The following MARCHF4 variants were observed in gnomAD, a reference collection of about 807,000 sequenced individuals.
MARCHF4 encodes the protein E3 ubiquitin-protein ligase MARCHF4.
A neutral mutation model predicts 43.9 loss-of-function variants in MARCHF4; 14 were observed. The observed-to-expected ratio is 0.32, with a 90% CI of 0.21 to 0.50. MARCHF4 has a LOEUF of 0.50. Among genes scored for constraint, MARCHF4 ranks in the 20% least tolerant of loss-of-function variants. The pLI is 0.98. For missense variants in MARCHF4, 468 were observed against 536.7 expected (o/e 0.87, Z 1.27); for synonymous variants, 226 against 213.3 (o/e 1.06, Z -0.52).
chr2:216,311,588 G>C (rs1691687785), intron 1 of MARCHF4, among the ~76,000 whole-genome samples: 1 of 152,038 alleles, frequency 6.6e-6, no homozygotes, highest in South Asian at 2.1e-4. Flanking sequence ...TAAACACTTA[G>C]GTTTCCTCAC....
chr2:216,304,434 TA>T (rs2105951761), intron 1 of MARCHF4, among the ~76,000 whole-genome samples: 1 of 152,284 alleles, frequency 6.6e-6, no homozygotes, highest in African/African-American at 2.4e-5. Context: ...AACTGACACC[TA>T]GATCCCTCAA....
chr2:216,283,666 T>C lies in MARCHF4; in HGVS notation c.580A>G (p.Ile194Val). The change falls in exon 2 of 4, where the codon ATC (isoleucine) becomes GTC (valine). Residue 194 changes from isoleucine to valine, a missense_variant. Transcript: ENST00000273067. The stretch of plus-strand genomic sequence containing the variant: ...CAGCCCCGCTCGCTGATCCACTTGA[T>C]GAGGCAAGGCTGGTGTGTGCACTTG... ...SVKCTHQPCL[I>V]KWISERGCWS... 6.2e-7 allele frequency: 1 copy of C among 1,613,718 alleles called. No homozygotes were observed. The highest frequency in any genetic ancestry group is 8.5e-7 in the Non-Finnish European group (1 of 1,179,608).
Position 216,372,076 on chromosome 2 carries a change from C to T in MARCHF4, c.-1816G>A, listed in dbSNP as rs2105990606. The T allele has an allele frequency of 6.6e-6, 1 of 152,364 alleles. No individual in the cohort carries two copies. The highest frequency in any genetic ancestry group is 1.9e-4 in the East Asian group (1 of 5,168). The allele number at this position is 152,364 out of a possible 1,614,324, so 9.4% of individuals were successfully genotyped here. ...CTTGGTCCTCGCGACTCCCCAAAAC[C>T]GTATATAAATATATCTCTTATAAAA... On this transcript the variant is annotated 5_prime_UTR_variant, in exon 1 of 4. Transcript: ENST00000273067.
At chr2:216,325,438 C>A (rs1008519351) in intron 1 of MARCHF4, among the ~76,000 whole-genome samples, 3 of 152,168 alleles carry the variant, frequency 2.0e-5, no homozygotes, top group Non-Finnish European at 4.4e-5. Context: ...CTACCAATGA[C>A]TTTCTTCACA....
At chr2:216,351,093 A>G (rs959270114) in intron 1 of MARCHF4, among the ~76,000 whole-genome samples, 5 of 152,134 alleles carry the variant, frequency 3.3e-5, no homozygotes, top group Non-Finnish European at 7.3e-5. Context: ...GAAGGACCCT[A>G]TTATATTTCT....
At chr2:216,322,019 G>A (rs115465851) in intron 1 of MARCHF4, among the ~76,000 whole-genome samples, 1,542 of 152,214 alleles carry the variant, frequency 0.01, 13 homozygotes, top group South Asian at 0.023. Flanking sequence ...TTTACAAGTT[G>A]CTGTGACTGA....
intron 1 of MARCHF4, among the ~76,000 whole-genome samples, chr2:216,298,662 A>C (rs978133782): frequency 6.6e-6 from 1 of 152,190 alleles, no homozygotes; most frequent in Non-Finnish European, 1.5e-5. Context: ...TCCCATCTTA[A>C]AATATCTTAA....
intron 1 of MARCHF4, 83 bp downstream of exon 1, chr2:216,369,662 G>T (rs766961898): frequency 9.6e-6 from 11 of 1,140,440 alleles, no homozygotes; most frequent in African/African-American, 1.6e-5. Flanking sequence ...CAATATAACC[G>T]TTCCCCAGGG....
chr2:216,346,093 A>G (rs1692315441), intron 1 of MARCHF4, among the ~76,000 whole-genome samples: 1 of 152,162 alleles, frequency 6.6e-6, no homozygotes, highest in South Asian at 2.1e-4. Flanking sequence ...AGTTAGCTGG[A>G]GCATTCTTGT....
chr2:216,321,316 ATC>A (rs1350010943), intron 1 of MARCHF4, among the ~76,000 whole-genome samples: 47 of 152,322 alleles, frequency 3.1e-4, no homozygotes, highest in African/African-American at 1.1e-3. Context: ...CATGAAGCTC[ATC>A]ATTTTGAGGT....
chr2:216,336,342 C>T (rs1004143792), intron 1 of MARCHF4, among the ~76,000 whole-genome samples: 5 of 152,250 alleles, frequency 3.3e-5, no homozygotes, highest in African/African-American at 1.2e-4. Flanking sequence ...GATACCCACA[C>T]ACAAAGCCCC....
chr2:216,295,059 C>A (rs765401334), intron 1 of MARCHF4, among the ~76,000 whole-genome samples: 1 of 152,114 alleles, frequency 6.6e-6, no homozygotes, highest in Non-Finnish European at 1.5e-5. Context: ...GTACTAGAGG[C>A]TAGGTATTGT....
intron 1 of MARCHF4, among the ~76,000 whole-genome samples, chr2:216,361,886 T>G (rs1189980994): frequency 6.6e-6 from 1 of 152,176 alleles, no homozygotes; most frequent in African/African-American, 2.4e-5. Context: ...GGGGTAAATA[T>G]CACTCTCATT....
At chr2:216,363,479 T>C (rs766789067) in intron 1 of MARCHF4, among the ~76,000 whole-genome samples, 1 of 152,222 alleles carries the variant, frequency 6.6e-6, no homozygotes, top group South Asian at 2.1e-4. Flanking sequence ...CCTGTAACCC[T>C]GTGGTGGGGT....
In MARCHF4 at chr2:216,259,025, C is replaced by T. The variant is rs1011163939; in HGVS notation, c.*287G>A. 1.5e-5 allele frequency: 4 copies of T among 269,176 alleles called. No homozygotes were observed. Among genetic ancestry groups the T allele is most frequent in the Non-Finnish European group, 2.8e-5 (4 of 141,664 alleles). The allele number at this position is 269,176 out of a possible 1,614,324, so 16.7% of individuals were successfully genotyped here. On this transcript the variant is annotated 3_prime_UTR_variant, in exon 4 of 4. Transcript: ENST00000273067. ...TCTTCGGGTACCTTGCCTGCAGGTG[C>T]ATTGGGGCAGGGTTTTTCTGTTGGG... is the stretch of plus-strand genomic sequence containing the variant.
chr2:216,299,145 G>C (rs1175639763), intron 1 of MARCHF4, among the ~76,000 whole-genome samples: 1 of 152,042 alleles, frequency 6.6e-6, no homozygotes, highest in Non-Finnish European at 1.5e-5. Flanking sequence ...TTGCACTGTA[G>C]GGAAGGAGTG....
chr2:216,321,403 G>A (rs1291980287), intron 1 of MARCHF4, among the ~76,000 whole-genome samples: 1 of 152,188 alleles, frequency 6.6e-6, no homozygotes, highest in Non-Finnish European at 1.5e-5. Context: ...TGGTGGTTAA[G>A]TTCAATGCAA....
At chr2:216,354,951 CTTTCT>C (rs1692471213) in intron 1 of MARCHF4, among the ~76,000 whole-genome samples, 1 of 139,758 alleles carries the variant, frequency 7.2e-6, no homozygotes, top group Non-Finnish European at 1.5e-5. Context: ...TTCTTTCTTT[CTTTCT>C]TTCTTTCTTT....
intron 3 of MARCHF4, among the ~76,000 whole-genome samples, chr2:216,268,275 G>A (rs998444766): frequency 1.3e-5 from 2 of 152,208 alleles, no homozygotes; most frequent in African/African-American, 4.8e-5. Flanking sequence ...ACTGTAGAGA[G>A]AGGGAGTAAC....
Sources: gnomAD v4.1 joint callset for allele counts (sites outside exome capture counted in the v4.1 genomes callset) on GRCh38, gnomAD v4.1.1 for gene constraint, MANE v1.5 for transcripts, NCBI Gene and HGNC (gene_info 2026-07-23, HGNC 2026-07-21) for gene names.